CFAP20: variants seen among roughly 807,000 people sequenced by gnomAD.
The protein encoded by CFAP20 is cilia and flagella associated protein 20.
Under a neutral mutation model 25.5 loss-of-function variants are expected in CFAP20, and 14 were observed. The observed-to-expected ratio is 0.55, with a 90% CI of 0.36 to 0.86. CFAP20 has a LOEUF of 0.86. Ranked by LOEUF, CFAP20 falls within the 40% of genes least tolerant of loss-of-function variation. CFAP20 has a pLI of 0.01. For synonymous variants in CFAP20, 75 were observed against 91.1 expected (o/e 0.82, Z 1.01); for missense variants, 181 against 248.0 (o/e 0.73, Z 1.81).
Position 58,114,947 on chromosome 16 carries a change from G to A in CFAP20, c.466-27C>T, listed in dbSNP as rs747157533. The A allele has an allele frequency of 8.3e-6, 13 of 1,563,558 alleles. No individual in the cohort carries two copies. The Middle Eastern group carries it at 5.0e-4, about 60-fold the overall frequency. ...TGTCAAGGCAATGCTTCTTTTGAGA[G>A]GCGAAATGTGACTGTTCTCCCCCTT... On this transcript the variant is annotated intron_variant, in intron 4 of 5. Transcript: ENST00000262498.
Position 58,129,216 on chromosome 16 carries a change from T to C in CFAP20, c.-101A>G, listed in dbSNP as rs1181873452. 1 of 1,298,028 alleles carries C rather than the reference T, an allele frequency of 7.7e-7. No individual in the cohort carries two copies. The highest frequency in any genetic ancestry group is 1.1e-6 in the Non-Finnish European group (1 of 930,620). 80.4% of individuals were successfully genotyped at this position (1,298,028 alleles called of 1,614,324 possible). On this transcript the variant is annotated 5_prime_UTR_variant, in exon 1 of 6. Coordinates refer to ENST00000262498, the MANE Select transcript of CFAP20 (RefSeq NM_013242.3). ...AGGGCACAGCAGCAGGCCGGCCCTG[T>C]TCCGAAGAAGGGTGGTTGAGCTCCT...
chr16:58,122,451 G>A (rs1006393888), intron 1 of CFAP20, among the ~76,000 whole-genome samples: 1 of 152,028 alleles, frequency 6.6e-6, no homozygotes, highest in Non-Finnish European at 1.5e-5. Flanking sequence ...GTGTGGTAGC[G>A]CATGCCTGTA....
chr16:58,123,209 G>T (rs1567448462), intron 1 of CFAP20, among the ~76,000 whole-genome samples: 1 of 151,020 alleles, frequency 6.6e-6, no homozygotes, highest in Non-Finnish European at 1.5e-5. Flanking sequence ...TGGTCAGGCT[G>T]GTCTTGAACT....
At chr16:58,126,645 TC>T (rs773474389) in intron 1 of CFAP20, among the ~76,000 whole-genome samples, 1 of 152,208 alleles carries the variant, frequency 6.6e-6, no homozygotes, top group African/African-American at 2.4e-5. Context: ...AGTCCTCACC[TC>T]CCCACAAACT....
chr16:58,117,015 GA>G (rs939820671), intron 1 of CFAP20, 64 bp from the exon 2 acceptor site: 1 of 1,466,354 alleles, frequency 6.8e-7, no homozygotes. Context: ...ACTATTTAAA[GA>G]AAACCACGGT....
Position 58,116,037 on chromosome 16 carries a change from T to C in CFAP20, c.276+4A>G. The C allele has an allele frequency of 6.3e-7, 1 of 1,587,564 alleles. No individual in the cohort carries two copies. Among genetic ancestry groups the C allele is most frequent in the Non-Finnish European group, 8.7e-7 (1 of 1,156,026 alleles). ...AGTGGACACATTCATGTACACATACTTACCTGCACTTCGAAGGTAAAATAC... is the reference window on the plus strand; with the variant it reads ...AGTGGACACATTCATGTACACATACCTACCTGCACTTCGAAGGTAAAATAC... On this transcript the variant is annotated splice_donor_region_variant and intron_variant, in intron 3 of 5. Transcript: ENST00000262498.
intron 3 of CFAP20, chr16:58,115,766 C>A: frequency 1.9e-6 from 1 of 519,404 alleles, no homozygotes. Flanking sequence ...AACAGCCACC[C>A]ACTATTAAAT....
In CFAP20 at chr16:58,129,271, G is replaced by C. The variant is rs1814936752; in HGVS notation, c.-156C>G. ...TCCGGATCTGCAGCCACTGATGGCC[G>C]GACTCGGACGCGGCAACGCTAAGTC... On this transcript the variant is annotated 5_prime_UTR_variant, in exon 1 of 6. Coordinates refer to ENST00000262498, the MANE Select transcript of CFAP20 (RefSeq NM_013242.3). 4.2e-6 allele frequency: 3 copies of C among 711,358 alleles called. No homozygotes were observed. In the East Asian group the frequency reaches 8.4e-5, roughly 20 times the overall value. The allele number at this position is 711,358 out of a possible 1,614,324, so 44.1% of individuals were successfully genotyped here.
chr16:58,121,853 A>G lies in CFAP20; in HGVS notation c.85-4902T>C, dbSNP rs185980986. On this transcript the variant is annotated intron_variant, in intron 1 of 5. Transcript: ENST00000262498. ...TAGGGAGGGAGCTGGTGGATGCTGT[A>G]TATTTCTATGACTGCTTTAAAAATA... 2.1e-4 allele frequency among the ~76,000 whole-genome samples: 32 copies of G among 152,322 alleles called. No individual in the cohort carries two copies. In the East Asian group the frequency reaches 5.6e-3, roughly 27 times the overall value.
chr16:58,117,214 A>G lies in CFAP20; in HGVS notation c.85-263T>C, dbSNP rs1826088229. On this transcript the variant is annotated intron_variant, in intron 1 of 5. Coordinates refer to ENST00000262498, the MANE Select transcript of CFAP20 (RefSeq NM_013242.3). The stretch of plus-strand genomic sequence containing the variant: ...CTCAATTTAGATTCAGCTAATATCT[A>G]CTGAATGCCTACTATGCACCAGGAA... 1.0e-5 allele frequency: 5 copies of G among 492,342 alleles called. No individual in the cohort carries two copies. The Admixed American group carries it at 1.5e-4, about 15-fold the overall frequency. The allele number at this position is 492,342 out of a possible 1,614,324, so 30.5% of individuals were successfully genotyped here.
chr16:58,125,282 C>T (rs1305358281), intron 1 of CFAP20, among the ~76,000 whole-genome samples: 1 of 152,278 alleles, frequency 6.6e-6, no homozygotes, highest in Non-Finnish European at 1.5e-5. Flanking sequence ...ATGGCGCTGT[C>T]ATCTCCTATG....
chr16:58,129,218 C>A lies in CFAP20; in HGVS notation c.-103G>T. 1.6e-6 allele frequency: 2 copies of A among 1,279,822 alleles called. No homozygotes were observed. The highest frequency in any genetic ancestry group is 2.5e-5 in the East Asian group (1 of 39,736). The allele number at this position is 1,279,822 out of a possible 1,614,324, so 79.3% of individuals were successfully genotyped here. On this transcript the variant is annotated 5_prime_UTR_variant, in exon 1 of 6. Transcript: ENST00000262498. ...GGCACAGCAGCAGGCCGGCCCTGTT[C>A]CGAAGAAGGGTGGTTGAGCTCCTGG...
At position 58,129,125 on chromosome 16, in the gene CFAP20, G is replaced by T. The variant is rs1230410087; in HGVS notation, c.-10C>A. 5 of 1,613,334 alleles carry T rather than the reference G, an allele frequency of 3.1e-6. No homozygotes were observed. The highest frequency in any genetic ancestry group is 4.2e-6 in the Non-Finnish European group (5 of 1,179,898). The stretch of plus-strand genomic sequence containing the variant: ...ACGTGTTTTTGAACATCTCGCCGGC[G>T]GCCTTCTCCTAAGCCGCCCCCGGAG... On this transcript the variant is annotated 5_prime_UTR_variant, in exon 1 of 6. Coordinates refer to ENST00000262498, the MANE Select transcript of CFAP20 (RefSeq NM_013242.3).
At chr16:58,115,122 TG>T in intron 4 of CFAP20, 146 bp downstream of exon 4, 1 of 1,202,430 alleles carries the variant, frequency 8.3e-7, no homozygotes, top group Non-Finnish European at 1.2e-6. Flanking sequence ...GAATATTTCC[TG>T]GACCTTTGTG....
intron 3 of CFAP20, 136 bp from the exon 4 acceptor site, chr16:58,115,593 A>G: frequency 3.0e-6 from 3 of 1,013,258 alleles, no homozygotes; most frequent in Non-Finnish European, 4.4e-6. Context: ...CAGACCAGAC[A>G]CAGGTCATAC....
intron 5 of CFAP20, 149 bp from the exon 6 acceptor site, chr16:58,114,179 C>T: frequency 1.1e-6 from 1 of 874,372 alleles, no homozygotes; most frequent in South Asian, 1.4e-5. Flanking sequence ...CAGGGAAGCA[C>T]CCACCCTTGT....
chr16:58,113,889 A>C lies in CFAP20; in HGVS notation c.*136T>G, dbSNP rs1960416662. 3 of 1,042,822 alleles carry C rather than the reference A, an allele frequency of 2.9e-6. No homozygotes were observed. Among genetic ancestry groups the C allele is most frequent in the Non-Finnish European group, 3.0e-6 (2 of 677,738 alleles). 64.6% of individuals were successfully genotyped at this position (1,042,822 alleles called of 1,614,324 possible). A position where few individuals can be genotyped will look rare whatever the true frequency, so the allele number is the denominator to read the frequency against. On this transcript the variant is annotated 3_prime_UTR_variant, in exon 6 of 6. Transcript: ENST00000262498. ...GGCATGTTCACCGGTGTCCATGACA[A>C]GCAACACCAAGTATAAATAACAGAA...
chr16:58,129,296 C>A lies in CFAP20; in HGVS notation c.-181G>T. On this transcript the variant is annotated 5_prime_UTR_variant, in exon 1 of 6. Coordinates refer to ENST00000262498, the MANE Select transcript of CFAP20 (RefSeq NM_013242.3). ...GGACTCGGACGCGGCAACGCTAAGT[C>A]CGCGATCTTCAGCTCCTAAGCTGCG... 1 of 614,528 alleles carries A rather than the reference C, an allele frequency of 1.6e-6. No homozygotes were observed. The highest frequency in any genetic ancestry group is 2.8e-6 in the Non-Finnish European group (1 of 350,946). 38.1% of individuals were successfully genotyped at this position (614,528 alleles called of 1,614,324 possible).
intron 4 of CFAP20, 45 bp from the exon 5 acceptor site, chr16:58,114,965 T>TC (rs1227569162): frequency 5.3e-6 from 8 of 1,501,088 alleles, no homozygotes; most frequent in African/African-American, 2.8e-5. Flanking sequence ...GTGACTGTTC[T>TC]CCCCCTTTTC....
Sources: gnomAD v4.1 joint callset for allele counts (sites outside exome capture counted in the v4.1 genomes callset) on GRCh38, gnomAD v4.1.1 for gene constraint, MANE v1.5 for transcripts, NCBI Gene and HGNC (gene_info 2026-07-23, HGNC 2026-07-21) for gene names.